EIF2B4: variants seen among roughly 807,000 people sequenced by gnomAD.
The protein encoded by EIF2B4 is eukaryotic translation initiation factor 2B subunit delta, also known as translation initiation factor eIF2B subunit delta.
Under a neutral mutation model 66.7 loss-of-function variants are expected in EIF2B4, and 34 were observed. The ratio of observed to expected loss-of-function variants is 0.51; its 90% CI spans 0.39 to 0.68. The LOEUF (loss-of-function observed/expected upper bound fraction) is 0.68, where lower values mean the gene tolerates loss of function less well. EIF2B4 is among the 30% of genes least tolerant of loss of function. EIF2B4 has a pLI of 0.00. For missense variants in EIF2B4, 618 were observed against 657.9 expected (o/e 0.94, Z 0.66); for synonymous variants, 278 against 253.6 (o/e 1.10, Z -0.92).
chr2:27,367,919 TAGG>T (rs1284211094), intron 7 of EIF2B4, 97 bp from the exon 8 acceptor site: 18 of 1,477,394 alleles, frequency 1.2e-5, no homozygotes, highest in Non-Finnish European at 1.7e-5. Context: ...GTTCTGAGGG[TAGG>T]AGTATTCCCT....
intron 11 of EIF2B4, 99 bp downstream of exon 11, chr2:27,366,660 A>C: frequency 2.0e-6 from 3 of 1,486,718 alleles, no homozygotes; most frequent in Non-Finnish European, 2.8e-6. Flanking sequence ...TCCTTATCTC[A>C]AAACAAAAAC....
At chr2:27,366,726 G>A (rs758766436) in intron 11 of EIF2B4, 33 bp downstream of exon 11, 156 of 1,612,882 alleles carry the variant, frequency 9.7e-5, no homozygotes, top group Middle Eastern at 1.7e-4. Context: ...CCTTTTCACC[G>A]CCAACTTTGG....
chr2:27,369,264 G>A (rs1278852691), intron 3 of EIF2B4, 52 bp from the exon 4 acceptor site: 12 of 1,602,850 alleles, frequency 7.5e-6, no homozygotes, highest in Non-Finnish European at 9.3e-6. Context: ...TGATATCCGT[G>A]CCCCAGCTAA....
intron 5 of EIF2B4, 52 bp from the exon 6 acceptor site, chr2:27,368,515 G>A (rs1682036245): frequency 2.5e-6 from 4 of 1,574,958 alleles, no homozygotes; most frequent in Non-Finnish European, 3.5e-6. Context: ...AAAAGGATGG[G>A]ATAAAGCTGG....
chr2:27,370,087 G>T (rs552335760), intron 1 of EIF2B4, 168 bp from the exon 2 acceptor site: 2 of 1,507,998 alleles, frequency 1.3e-6, no homozygotes, highest in Non-Finnish European at 8.9e-7. Flanking sequence ...CGGATCAAAG[G>T]AATGGAGGGG....
chr2:27,369,624 G>A, intron 2 of EIF2B4, 75 bp from the exon 3 acceptor site: 3 of 1,608,412 alleles, frequency 1.9e-6, no homozygotes, highest in South Asian at 2.2e-5. Context: ...ATGCTTACAA[G>A]ATTTCCACAT....
Position 27,367,547 on chromosome 2 carries a change from C to T in EIF2B4, c.795G>A (p.Gln265=). ...GCATGCTCGCTGACAGGGGACGGCACTGAGTCAGGAAGCTATAATACAACA... is the reference window on the plus strand; with the variant it reads ...GCATGCTCGCTGACAGGGGACGGCATTGAGTCAGGAAGCTATAATACAACA... ...KLKPYMSFLT[Q]CRPLSASMHN... Residue 265 remains glutamine (Q), a synonymous_variant, in exon 9 of 13, where the codon CAG becomes CAA. Transcript: ENST00000347454. 1 of 1,614,038 alleles carries T rather than the reference C, an allele frequency of 6.2e-7. No individual in the cohort carries two copies. The highest frequency in any genetic ancestry group is 8.5e-7 in the Non-Finnish European group (1 of 1,180,028).
chr2:27,368,602 C>A, intron 5 of EIF2B4, 52 bp downstream of exon 5: 1 of 1,608,484 alleles, frequency 6.2e-7, no homozygotes, highest in Non-Finnish European at 8.5e-7. Context: ...TTTCCTCCCT[C>A]CAGTCCATTT....
In EIF2B4 at chr2:27,370,268, C is replaced by A. The variant is rs1166689542; in HGVS notation, c.31+16G>T. 6.5e-7 allele frequency: 1 copy of A among 1,549,310 alleles called. No homozygotes were observed. The highest frequency in any genetic ancestry group is 1.2e-5 in the South Asian group (1 of 84,546). On this transcript the variant is annotated intron_variant, in intron 1 of 12. Coordinates refer to ENST00000347454, the MANE Select transcript of EIF2B4 (RefSeq NM_001034116.2). ...CGGCTCCGCGTACCAGTAGGCAGGC[C>A]CGGCTCTTCACTCACCCTCGCGAAC...
rs1257522983 is a variant in EIF2B4, at chr2:27,366,777, G to C, written c.1173C>G (p.Ala391=). Residue 391 remains alanine, a synonymous_variant, in exon 11 of 13, where the codon GCC becomes GCG. Coordinates refer to ENST00000347454, the MANE Select transcript of EIF2B4 (RefSeq NM_001034116.2). ...TACTTACCTCTGGGAGCACATAGGA[G>C]GCTGCAGGAATCAGCAGGTAGGAGG... is the stretch of plus-strand genomic sequence containing the variant. The part of the protein sequence containing the change: ...VPASYLLIPA[A]SYVLPEVSKV... The C allele has an allele frequency of 1.2e-6, 2 of 1,614,230 alleles. No individual in the cohort carries two copies. Among genetic ancestry groups the C allele is most frequent in the African/African-American group, 2.7e-5 (2 of 75,050 alleles).
intron 2 of EIF2B4, 126 bp from the exon 3 acceptor site, chr2:27,369,675 G>T (rs554608955): frequency 4.3e-5 from 67 of 1,547,016 alleles, no homozygotes; most frequent in Non-Finnish European, 5.7e-5. Flanking sequence ...CAAGCTACCT[G>T]TTGCAAGCTT....
At chr2:27,369,963 G>C in intron 1 of EIF2B4, 44 bp from the exon 2 acceptor site, 1 of 1,556,094 alleles carries the variant, frequency 6.4e-7, no homozygotes, top group Non-Finnish European at 8.7e-7. Flanking sequence ...AGAGACTCCG[G>C]GAGGGTTTGG....
Position 27,369,042 on chromosome 2 carries a change from T to C in EIF2B4, c.382A>G (p.Lys128Glu). The change falls in exon 4 of 13, where the codon AAG becomes GAG. Residue 128 changes from lysine to glutamate, a missense_variant. By Grantham distance (56) the Lys-to-Glu change is moderately conservative. This residue lies in a region of EIF2B4 where 506 missense variants were observed against 511.9 expected (regional missense o/e 0.99). Coordinates refer to ENST00000347454, the MANE Select transcript of EIF2B4 (RefSeq NM_001034116.2). ...TCTCCAGCTGTGCTGGGGCTGGCCTTAGGAGGTGGTCCTCCTTGTTCCCCT... is the reference window on the plus strand; with the variant it reads ...TCTCCAGCTGTGCTGGGGCTGGCCTCAGGAGGTGGTCCTCCTTGTTCCCCT... ...RKGEQGGPPP[K>E]ASPSTAGETP... The C allele has an allele frequency of 6.2e-7, 1 of 1,614,152 alleles. No homozygotes were observed. The highest frequency in any genetic ancestry group is 8.5e-7 in the Non-Finnish European group (1 of 1,180,026).
rs950114490 is a variant in EIF2B4 at position 27,366,887 on chromosome 2, G to A, written c.1063C>T (p.Arg355Trp). The change falls in exon 11 of 13, where the codon CGG (arginine) becomes TGG (tryptophan). Residue 355 changes from arginine (R) to tryptophan (W), a missense_variant. Transcript: ENST00000347454. ...ILQEAWTEGRRFRVVVVDSRP... is the reference protein window; with the variant it reads ...ILQEAWTEGRWFRVVVVDSRP... The stretch of plus-strand genomic sequence containing the variant: ...CTGTCCACCACTACCACCCGAAACC[G>A]CCGGCCCTCTGTCCAAGCCTCCTGA... The A allele has an allele frequency of 8.1e-6, 13 of 1,614,176 alleles. No individual in the cohort carries two copies. The highest frequency in any genetic ancestry group is 2.2e-5 in the East Asian group (1 of 44,884).
rs568357849 is a variant in EIF2B4, at chr2:27,370,111, T to C, written c.31+173A>G. The C allele has an allele frequency of 1.2e-3, 1,753 of 1,517,104 alleles. 2 individuals carry two copies. The highest frequency in any genetic ancestry group is 1.4e-3 in the Non-Finnish European group (1,533 of 1,127,814). The allele number at this position is 1,517,104 out of a possible 1,614,324, so 94.0% of individuals were successfully genotyped here. ...GGAATGGAGGGGTCACCGACCCTCC[T>C]CACAGCAACCAGCCGGTGCGCGGCG... On this transcript the variant is annotated intron_variant, in intron 1 of 12. Coordinates refer to ENST00000347454, the MANE Select transcript of EIF2B4 (RefSeq NM_001034116.2).
Position 27,364,722 on chromosome 2 carries a change from C to T in EIF2B4, c.1368G>A (p.Glu456=). The T allele has an allele frequency of 6.2e-7, 1 of 1,614,226 alleles. No individual in the cohort carries two copies. The highest frequency in any genetic ancestry group is 8.5e-7 in the Non-Finnish European group (1 of 1,180,050). The change falls in exon 12 of 13, where the codon GAG becomes GAA. Residue 456 remains glutamate, a synonymous_variant. Transcript: ENST00000347454. ...RVQTDAFVSN[E]LDDPDDLQCK... is the part of the protein sequence containing the mutation. The stretch of plus-strand genomic sequence containing the variant: ...GCTTCTCTTTTGCCTCCTTACCTAG[C>T]TCATTAGAGACAAAGGCATCAGTCT...
Position 27,364,780 on chromosome 2 carries a change from C to A in EIF2B4, c.1310G>T (p.Cys437Phe), listed in dbSNP as rs886055900. 1.2e-6 allele frequency: 2 copies of A among 1,614,192 alleles called. No individual in the cohort carries two copies. Among genetic ancestry groups the A allele is most frequent in the Non-Finnish European group, 1.7e-6 (2 of 1,180,046 alleles). The part of the protein sequence containing the change: ...ARAHNVPVLV[C>F]CETYKFCERV... ...CTCACAGAACTTGTATGTTTCACAG[C>A]AAACCAGCACTGGTACATTATGGGC... is the stretch of plus-strand genomic sequence containing the variant. Residue 437 changes from cysteine to phenylalanine, a missense_variant, in exon 12 of 13, where the codon TGC (cysteine) becomes TTC (phenylalanine). Physicochemically the swap from Cys to Phe is radical, Grantham distance 205 (BLOSUM62 -2). Transcript: ENST00000347454.
intron 4 of EIF2B4, 116 bp from the exon 5 acceptor site, chr2:27,368,849 G>T: frequency 7.1e-7 from 1 of 1,418,322 alleles, no homozygotes; most frequent in Non-Finnish European, 9.9e-7. Flanking sequence ...CGGGAGAATA[G>T]GGTAGAAAAG....
chr2:27,370,108 TC>T, intron 1 of EIF2B4, 175 bp downstream of exon 1: 1 of 1,515,382 alleles, frequency 6.6e-7, no homozygotes, highest in Middle Eastern at 1.7e-4. Context: ...TCACCGACCC[TC>T]CTCACAGCAA....
Sources: allele counts gnomAD v4.1 joint callset, GRCh38; gene constraint gnomAD v4.1.1; regional missense constraint gnomAD v4.1.1; transcripts MANE v1.5; gene names NCBI Gene and HGNC (gene_info 2026-07-23, HGNC 2026-07-21).